DLGAP2: variants seen among roughly 807,000 people sequenced by gnomAD.
DLGAP2 encodes the protein DLG associated protein 2.
In DLGAP2, 26 loss-of-function variants were observed where a neutral mutation model predicts 100.3. The ratio of observed to expected loss-of-function variants is 0.26; its 90% confidence interval spans 0.19 to 0.36. The LOEUF is 0.36. DLGAP2 is among the 10% of genes least tolerant of loss of function. The pLI, the probability that DLGAP2 is intolerant of heterozygous loss-of-function variation, is 1.00. For synonymous variants in DLGAP2, 886 were observed against 630.1 expected (o/e 1.41, Z -6.08); for missense variants, 1,858 against 1,453.2 (o/e 1.28, Z -4.53).
chr8:983,178 T>C lies in DLGAP2; in HGVS notation c.73+75212T>C, dbSNP rs138746231. Among the ~76,000 whole-genome samples, 222 of 152,360 alleles carry C rather than the reference T, an allele frequency of 1.5e-3. 1 individual carries two copies. Among genetic ancestry groups the C allele is most frequent in the African/African-American group, 5.0e-3 (206 of 41,588 alleles). ...TGTTCTCTTGAAAATCGGACACTGA[T>C]GGACCTTTAAATATGCCCTTAGAAT... On this transcript the variant is annotated intron_variant, in intron 2 of 14. Transcript: ENST00000637795.
At chr8:750,768 A>G (rs1585823189) in intron 1 of DLGAP2, among the ~76,000 whole-genome samples, 1 of 152,226 alleles carries the variant, frequency 6.6e-6, no homozygotes, top group East Asian at 1.9e-4. Flanking sequence ...ATGGGAGAAC[A>G]GTGTTTCCTG....
intron 3 of DLGAP2, among the ~76,000 whole-genome samples, chr8:1,364,978 C>T (rs931667261): frequency 6.6e-6 from 1 of 152,196 alleles, no homozygotes; most frequent in Admixed American, 6.5e-5. Flanking sequence ...TCCCTCCATG[C>T]CTGTGTTCAC....
At chr8:988,670 G>A (rs537915396) in intron 2 of DLGAP2, among the ~76,000 whole-genome samples, 2 of 152,212 alleles carry the variant, frequency 1.3e-5, no homozygotes, top group East Asian at 1.9e-4. Context: ...GTGATTTGCC[G>A]TGGCTCTGAC....
chr8:850,666 A>G (rs917413388), intron 1 of DLGAP2, among the ~76,000 whole-genome samples: 1 of 152,206 alleles, frequency 6.6e-6, no homozygotes, highest in Non-Finnish European at 1.5e-5. Context: ...AGAAAGCAAT[A>G]TATGCATTAT....
chr8:1,389,623 C>G (rs1796300700), intron 3 of DLGAP2, among the ~76,000 whole-genome samples: 1 of 152,114 alleles, frequency 6.6e-6, no homozygotes, highest in Non-Finnish European at 1.5e-5. Flanking sequence ...AGAAAAAAAG[C>G]TGATGATGAA....
intron 8 of DLGAP2, among the ~76,000 whole-genome samples, chr8:1,638,305 C>T (rs371870539): frequency 1.3e-5 from 2 of 152,190 alleles, no homozygotes; most frequent in African/African-American, 4.8e-5. Context: ...CCAATCTGTC[C>T]GGTGTCCTTA....
chr8:1,056,402 C>G (rs1367815352), intron 2 of DLGAP2, among the ~76,000 whole-genome samples: 1 of 152,178 alleles, frequency 6.6e-6, no homozygotes, highest in Non-Finnish European at 1.5e-5. Flanking sequence ...CCCATTTTTC[C>G]CATCTCTTTT....
intron 6 of DLGAP2, among the ~76,000 whole-genome samples, chr8:1,589,478 C>G (rs1313347082): frequency 6.6e-6 from 1 of 152,126 alleles, no homozygotes; most frequent in East Asian, 1.9e-4. Flanking sequence ...GCTGTGTTGC[C>G]CAGGCTGGAG....
rs1049771020 is a variant in DLGAP2 at position 1,252,648 on chromosome 8, T to C, written c.74-6203T>C. On this transcript the variant is annotated intron_variant, in intron 2 of 14. Coordinates refer to ENST00000637795, the MANE Select transcript of DLGAP2 (RefSeq NM_001346810.2). ...TTCACATATTCTTGACAAAGAGTCA[T>C]GGTTTCGTGCTCTGTGCTGTGTGAG... Among the ~76,000 whole-genome samples the C allele has an allele frequency of 5.2e-4, 80 of 152,384 alleles. 1 individual carries two copies. The highest frequency in any genetic ancestry group is 1.8e-3 in the African/African-American group (76 of 41,594).
Position 1,067,742 on chromosome 8 carries a change from C to G in DLGAP2, c.73+159776C>G, listed in dbSNP as rs1803302146. Among the ~76,000 whole-genome samples, 3 of 152,186 alleles carry G rather than the reference C, an allele frequency of 2.0e-5. No individual in the cohort carries two copies. In the South Asian group the frequency reaches 6.2e-4, roughly 32 times the overall value. On this transcript the variant is annotated intron_variant, in intron 2 of 14. Transcript: ENST00000637795. ...GGCCCCTGCCCCACCCACGCCCTCC[C>G]TCGTGACCCAGTCCCCTCCAGAGCT...
At chr8:1,456,153 T>G (rs2130131952) in intron 3 of DLGAP2, among the ~76,000 whole-genome samples, 1 of 152,334 alleles carries the variant, frequency 6.6e-6, no homozygotes, top group Middle Eastern at 3.4e-3. Flanking sequence ...ATGCCGGTTT[T>G]TGAGCCACCT....
chr8:1,229,750 C>G (rs1563266378), intron 2 of DLGAP2, among the ~76,000 whole-genome samples: 1 of 152,150 alleles, frequency 6.6e-6, no homozygotes, highest in Non-Finnish European at 1.5e-5. Flanking sequence ...ACCACATAAA[C>G]AGAATTACAA....
intron 7 of DLGAP2, among the ~76,000 whole-genome samples, chr8:1,631,228 G>A (rs1424800522): frequency 2.6e-5 from 4 of 152,006 alleles, no homozygotes; most frequent in Admixed American, 6.5e-5. Context: ...TTGCTGAGAT[G>A]CCAGCTTCTG....
intron 8 of DLGAP2, among the ~76,000 whole-genome samples, chr8:1,661,681 C>T (rs945631044): frequency 6.6e-6 from 1 of 152,162 alleles, no homozygotes; most frequent in African/African-American, 2.4e-5. Context: ...TGTCTAGATG[C>T]AGTGATCTGG....
intron 2 of DLGAP2, among the ~76,000 whole-genome samples, chr8:1,175,119 T>C (rs1797225360): frequency 6.6e-6 from 1 of 152,230 alleles, no homozygotes; most frequent in South Asian, 2.1e-4. Context: ...ACCTTCTGTC[T>C]TCAGATCTGG....
At chr8:956,227 G>A (rs951741518) in intron 2 of DLGAP2, among the ~76,000 whole-genome samples, 5 of 152,204 alleles carry the variant, frequency 3.3e-5, no homozygotes, top group African/African-American at 9.6e-5. Flanking sequence ...ATGTGATATT[G>A]GAAACTTTTC....
At chr8:1,145,669 T>C (rs1458484459) in intron 2 of DLGAP2, among the ~76,000 whole-genome samples, 1 of 151,858 alleles carries the variant, frequency 6.6e-6, no homozygotes, top group Non-Finnish European at 1.5e-5. Context: ...ATGTGCAGGT[T>C]AGTTACATAT....
intron 3 of DLGAP2, among the ~76,000 whole-genome samples, chr8:1,296,867 C>T (rs540206209): frequency 9.4e-4 from 143 of 152,260 alleles, no homozygotes; most frequent in African/African-American, 3.2e-3. Context: ...ATGTTTCATG[C>T]GGGGCTCAGA....
intron 3 of DLGAP2, among the ~76,000 whole-genome samples, chr8:1,479,192 G>C (rs1799020629): frequency 2.0e-5 from 3 of 152,206 alleles, no homozygotes; most frequent in Non-Finnish European, 4.4e-5. Context: ...TGTGAGTCTG[G>C]AGTCAGTCAG....
Sources: gnomAD v4.1 joint callset for allele counts (sites outside exome capture counted in the v4.1 genomes callset) on GRCh38, gnomAD v4.1.1 for gene constraint, MANE v1.5 for transcripts, NCBI Gene and HGNC (gene_info 2026-07-23, HGNC 2026-07-21) for gene names.